MYO5B: variants seen among roughly 807,000 people sequenced by gnomAD.
MYO5B encodes myosin VB.
Under a neutral mutation model 229.3 loss-of-function variants are expected in MYO5B, and 143 were observed. The observed-to-expected ratio is 0.62, with a 90% CI of 0.54 to 0.72. The LOEUF (loss-of-function observed/expected upper bound fraction) is 0.72, where lower values mean the gene tolerates loss of function less well. Among genes scored for constraint, MYO5B ranks in the 30% least tolerant of loss-of-function variants. The probability of loss-of-function intolerance (pLI) is 0.00; values close to 1 mark genes in which losing one functional copy is unlikely to be tolerated. For synonymous variants in MYO5B, 918 were observed against 885.2 expected, an observed-to-expected ratio of 1.04 and a Z score of -0.66; for missense variants, 2,321 against 2,331.0, an observed-to-expected ratio of 1.00 and a Z score of 0.09.
At chr18:49,905,055 C>T (rs2024884747) in intron 19 of MYO5B, among the ~76,000 whole-genome samples, 1 of 152,200 alleles carries the variant, frequency 6.6e-6, no homozygotes, top group Admixed American at 6.5e-5. Context: ...TCTCGAAAGG[C>T]TTCCCACAAG....
intron 21 of MYO5B, 43 bp from the exon 22 acceptor site, chr18:49,895,217 G>A (rs769082992): frequency 2.0e-6 from 3 of 1,532,252 alleles, no homozygotes; most frequent in Non-Finnish European, 2.7e-6. Flanking sequence ...AGAAGAAGTG[G>A]GGGAAGAAAA....
At chr18:49,929,438 AG>A in intron 17 of MYO5B, 73 bp downstream of exon 17, 3 of 1,235,642 alleles carry the variant, frequency 2.4e-6, no homozygotes, top group Non-Finnish European at 3.5e-6. Flanking sequence ...CGGTACACAG[AG>A]GGCTCCCTGG....
In MYO5B at chr18:50,014,442, T is replaced by C. The variant is rs138147379; in HGVS notation, c.456-13031A>G. Among the ~76,000 whole-genome samples the C allele has an allele frequency of 2.1e-4, 32 of 152,334 alleles. No individual in the cohort carries two copies. The East Asian group carries it at 5.6e-3, about 27-fold the overall frequency. On this transcript the variant is annotated intron_variant, in intron 4 of 39. Transcript: ENST00000285039. ...CTGTAAAACTTGGTTTCCTCGTTTG[T>C]AAGAGAGAGTATTAATGATCCCTTA...
intron 1 of MYO5B, among the ~76,000 whole-genome samples, chr18:50,095,547 A>G (rs1033321224): frequency 1.3e-5 from 2 of 152,214 alleles, no homozygotes; most frequent in Non-Finnish European, 2.9e-5. Context: ...TGTGGGATGC[A>G]CACATGGGTG....
intron 4 of MYO5B, among the ~76,000 whole-genome samples, chr18:50,034,896 T>C (rs548568824): frequency 6.6e-6 from 1 of 152,168 alleles, no homozygotes; most frequent in East Asian, 1.9e-4. Flanking sequence ...GTAAAACAAG[T>C]ATAAACCTTA....
intron 31 of MYO5B, 55 bp from the exon 32 acceptor site, chr18:49,849,715 G>A: frequency 4.9e-6 from 7 of 1,427,038 alleles, no homozygotes; most frequent in Non-Finnish European, 6.9e-6. Flanking sequence ...TGGGATGGTG[G>A]GGGTAAAATC....
At chr18:50,146,303 A>G (rs1440928862) in intron 1 of MYO5B, among the ~76,000 whole-genome samples, 2 of 152,252 alleles carry the variant, frequency 1.3e-5, no homozygotes, top group African/African-American at 4.8e-5. Context: ...CAGCCCGTGA[A>G]TGGCAGAGTC....
intron 1 of MYO5B, among the ~76,000 whole-genome samples, chr18:50,123,203 T>C (rs541538079): frequency 6.6e-6 from 1 of 152,322 alleles, no homozygotes; most frequent in East Asian, 1.9e-4. Context: ...ACATATTATA[T>C]GATTCCATTT....
At chr18:49,917,842 G>T (rs575437367) in intron 17 of MYO5B, among the ~76,000 whole-genome samples, 2 of 152,294 alleles carry the variant, frequency 1.3e-5, no homozygotes, top group South Asian at 4.1e-4. Context: ...TTCTTCACCT[G>T]GAGTGCCTCT....
chr18:49,877,911 A>T lies in MYO5B; in HGVS notation c.3277-29T>A, dbSNP rs374476524. 3.2e-5 allele frequency: 51 copies of T among 1,613,060 alleles called. No individual in the cohort carries two copies. The African/African-American group carries it at 5.2e-4, about 16-fold the overall frequency. On this transcript the variant is annotated intron_variant, in intron 24 of 39. Coordinates refer to ENST00000285039, the MANE Select transcript of MYO5B (RefSeq NM_001080467.3). ...TTCAACAAGAAAAACGTGATAGCTCATTAGGAACTAATGTTCATGAGAATT... is the reference window on the plus strand; with the variant it reads ...TTCAACAAGAAAAACGTGATAGCTCTTTAGGAACTAATGTTCATGAGAATT...
At position 49,853,462 on chromosome 18, in the gene MYO5B, G is replaced by A; in HGVS notation, c.4208C>T (p.Thr1403Ile). The change falls in exon 31 of 40, where the codon ACC (threonine) becomes ATC (isoleucine). Residue 1403 changes from threonine (T) to isoleucine (I), a missense_variant. Thr to Ile is a moderately conservative substitution (Grantham distance 89, BLOSUM62 -1). Around this residue, in one of 2 missense-constraint regions of MYO5B, gnomAD observed 2,113 missense variants for 2,044.7 expected, o/e 1.03. Coordinates refer to ENST00000285039, the MANE Select transcript of MYO5B (RefSeq NM_001080467.3). ...ATGGCTACCCACCAGATTCTCGTTG[G>A]TCAGCCGGGATATTTCCTGCTGAAC... ...FGVQQEISRLTNENLDLKELV... is the reference protein window; with the variant it reads ...FGVQQEISRLINENLDLKELV... 6.2e-7 allele frequency: 1 copy of A among 1,614,142 alleles called. No homozygotes were observed. The highest frequency in any genetic ancestry group is 8.5e-7 in the Non-Finnish European group (1 of 1,180,038).
chr18:49,889,500 C>A (rs1329055829), intron 22 of MYO5B, among the ~76,000 whole-genome samples: 1 of 152,204 alleles, frequency 6.6e-6, no homozygotes, highest in Non-Finnish European at 1.5e-5. Flanking sequence ...CTGCCAGGAA[C>A]AAGGCTGTAC....
intron 1 of MYO5B, among the ~76,000 whole-genome samples, chr18:50,131,279 T>C (rs1568118788): frequency 6.6e-6 from 1 of 152,294 alleles, no homozygotes; most frequent in East Asian, 1.9e-4. Flanking sequence ...ACCCACCAAC[T>C]CACTGGCCTT....
chr18:50,041,402 C>T (rs778930255), intron 2 of MYO5B, among the ~76,000 whole-genome samples: 1 of 151,970 alleles, frequency 6.6e-6, no homozygotes, highest in Admixed American at 6.6e-5. Flanking sequence ...TAGAGGGACT[C>T]GGTTATCAAA....
rs76364913 is a variant in MYO5B, at chr18:50,121,372, A to T, written c.28-65994T>A. Among the ~76,000 whole-genome samples the T allele has an allele frequency of 7.1e-3, 1,076 of 152,362 alleles. 18 individuals carry two copies. The highest frequency in any genetic ancestry group is 0.024 in the African/African-American group (991 of 41,586). The stretch of plus-strand genomic sequence containing the variant: ...GGTAGCTTTATATAGTGAGACAATT[A>T]TAGTATCAATGACCTTCTTAAGTAA... On this transcript the variant is annotated intron_variant, in intron 1 of 39. Transcript: ENST00000285039.
At chr18:49,840,252 G>A (rs542052395) in intron 35 of MYO5B, 1 of 152,354 alleles carries the variant, frequency 6.6e-6, no homozygotes, top group Non-Finnish European at 1.5e-5. Flanking sequence ...AACATTACAT[G>A]TAGTTCTATG....
intron 1 of MYO5B, among the ~76,000 whole-genome samples, chr18:50,057,239 G>A (rs2030572274): frequency 6.6e-6 from 1 of 152,174 alleles, no homozygotes; most frequent in South Asian, 2.1e-4. Flanking sequence ...TAAAGCTGCT[G>A]TCCCTAAGCT....
At chr18:50,052,032 G>A (rs139463256) in intron 2 of MYO5B, among the ~76,000 whole-genome samples, 2,137 of 152,236 alleles carry the variant, frequency 0.014, 20 homozygotes, top group Non-Finnish European at 0.017. Context: ...TTAGAATGGC[G>A]ATCATTAAAA....
chr18:50,190,945 G>A (rs1017619109), intron 1 of MYO5B, among the ~76,000 whole-genome samples: 1 of 152,176 alleles, frequency 6.6e-6, no homozygotes, highest in Non-Finnish European at 1.5e-5. Context: ...TGATGTGTGT[G>A]TCTGGCTCCA....
Sources: gnomAD v4.1 joint callset for allele counts (sites outside exome capture counted in the v4.1 genomes callset) on GRCh38, gnomAD v4.1.1 for gene constraint, gnomAD v4.1.1 regional missense constraint, MANE v1.5 for transcripts, NCBI Gene and HGNC (gene_info 2026-07-23, HGNC 2026-07-21) for gene names.